Variants in SH3YL1 observed in about 807,000 individuals in gnomAD.
SH3YL1 encodes SH3 domain-containing YSC84-like protein 1.
SH3YL1 carries 41 observed loss-of-function variants against 45.8 expected under a neutral mutation model. That is an observed-to-expected ratio of 0.89 (90% CI 0.70 to 1.16). SH3YL1 has a LOEUF of 1.16. Among genes scored for constraint, SH3YL1 ranks in the 50% most tolerant of loss-of-function variants. The pLI is 0.00. For missense variants in SH3YL1, 389 were observed against 409.6 expected, an observed-to-expected ratio of 0.95 and a Z score of 0.43; for synonymous variants, 152 against 151.4, an observed-to-expected ratio of 1.00 and a Z score of -0.03.
intron 3 of SH3YL1, 97 bp downstream of exon 3, chr2:249,634 A>G: frequency 2.3e-6 from 2 of 883,406 alleles, no homozygotes; most frequent in Non-Finnish European, 1.8e-6. Flanking sequence ...GTTGATATGC[A>G]GGAAACCTGT....
intron 4 of SH3YL1, chr2:241,677 C>A (rs1356654273): frequency 6.6e-6 from 1 of 152,008 alleles, no homozygotes; most frequent in Non-Finnish European, 1.5e-5. Context: ...ATAAAAGGAA[C>A]CCCAATTAGA....
intron 4 of SH3YL1, among the ~76,000 whole-genome samples, chr2:237,912 G>A (rs1330421914): frequency 6.6e-6 from 1 of 152,192 alleles, no homozygotes; most frequent in Non-Finnish European, 1.5e-5. Flanking sequence ...AAAAACCACA[G>A]CTGCCATGCA....
intron 4 of SH3YL1, among the ~76,000 whole-genome samples, chr2:236,719 G>A (rs1371266995): frequency 6.6e-6 from 1 of 152,158 alleles, no homozygotes; most frequent in Non-Finnish European, 1.5e-5. Flanking sequence ...TCATTATACA[G>A]TTATTCACAT....
intron 4 of SH3YL1, among the ~76,000 whole-genome samples, chr2:246,103 G>A (rs1412869524): frequency 6.6e-6 from 1 of 151,740 alleles, no homozygotes; most frequent in African/African-American, 2.4e-5. Flanking sequence ...GCTGAGGCAG[G>A]AGAATCGCTT....
chr2:257,743 T>C lies in SH3YL1; in HGVS notation c.2-4628A>G, dbSNP rs562092280. Among the ~76,000 whole-genome samples, 11 of 152,380 alleles carry C rather than the reference T, an allele frequency of 7.2e-5. No individual in the cohort carries two copies. The South Asian group carries it at 2.3e-3, about 32-fold the overall frequency. ...GGCTGCCCGACTTGCATATCATTCA[T>C]TGCTCAATTAAACTCCTTAAAATTT... is the stretch of plus-strand genomic sequence containing the variant. On this transcript the variant is annotated intron_variant, in intron 1 of 9. Coordinates refer to ENST00000356150, the MANE Select transcript of SH3YL1 (RefSeq NM_015677.4).
At chr2:252,290 G>A (rs967542980) in intron 2 of SH3YL1, among the ~76,000 whole-genome samples, 15 of 152,196 alleles carry the variant, frequency 9.9e-5, no homozygotes, top group Admixed American at 6.5e-5. Flanking sequence ...TTATGTGGAA[G>A]GAGGAAACAC....
intron 1 of SH3YL1, chr2:259,771 G>A (rs1669508095): frequency 6.7e-6 from 1 of 149,856 alleles, no homozygotes; most frequent in African/African-American, 2.5e-5. Flanking sequence ...ATGATGTATT[G>A]CATACTAGAT....
intron 2 of SH3YL1, among the ~76,000 whole-genome samples, chr2:251,644 C>T (rs1324079053): frequency 6.6e-6 from 1 of 152,150 alleles, no homozygotes; most frequent in African/African-American, 2.4e-5. Context: ...TCACTGGGAC[C>T]TTGGGAGGAA....
chr2:227,893 G>GTT (rs1256336168), intron 8 of SH3YL1, among the ~76,000 whole-genome samples: 1 of 149,054 alleles, frequency 6.7e-6, no homozygotes, highest in Non-Finnish European at 1.5e-5. Flanking sequence ...AAAATTATGT[G>GTT]TGTGTGTGTG....
chr2:259,356 ATTAAT>A (rs1669491560), intron 1 of SH3YL1: 1 of 152,136 alleles, frequency 6.6e-6, no homozygotes. Flanking sequence ...TCTGTTTCTT[ATTAAT>A]TTATACATTA....
chr2:221,634 G>T (rs1414897401), intron 9 of SH3YL1, among the ~76,000 whole-genome samples: 2 of 152,176 alleles, frequency 1.3e-5, no homozygotes, highest in South Asian at 2.1e-4. Flanking sequence ...GAGGGGGCCG[G>T]GATCTCACAT....
In SH3YL1 at chr2:218,595, T is replaced by C; in HGVS notation, c.*216A>G. 2.0e-6 allele frequency: 1 copy of C among 499,872 alleles called. No homozygotes were observed. The highest frequency in any genetic ancestry group is 3.5e-5 in the South Asian group (1 of 28,198). The allele number at this position is 499,872 out of a possible 1,614,324, so 31.0% of individuals were successfully genotyped here. On this transcript the variant is annotated 3_prime_UTR_variant, in exon 10 of 10. Coordinates refer to ENST00000356150, the MANE Select transcript of SH3YL1 (RefSeq NM_015677.4). ...TGAGCGTATAAACTGTATGATATTC[T>C]ATGACACAGTAAGTGTGATAAAGTT...
At chr2:264,560 C>T (rs1572190072), upstream of SH3YL1, 1 of 192,642 alleles carries the variant, frequency 5.2e-6, no homozygotes, top group Non-Finnish European at 1.0e-5. Flanking sequence ...GCTCCTTCCC[C>T]TCCAAGCGAC....
Position 218,832 on chromosome 2 carries a change from G to A in SH3YL1, c.1008C>T (p.Ala336=), listed in dbSNP as rs772904173. Residue 336 remains alanine, a synonymous_variant, in exon 10 of 10, where the codon GCC becomes GCT. Coordinates refer to ENST00000356150, the MANE Select transcript of SH3YL1 (RefSeq NM_015677.4). The stretch of plus-strand genomic sequence containing the variant: ...CGCTTTAATTCATGGTTACGTAGTT[G>A]GCTGGAAAAATGCCAGTTTGACCTC... ...KLRGQTGIFP[A]NYVTMN The A allele has an allele frequency of 1.9e-6, 3 of 1,613,442 alleles. No homozygotes were observed. Among genetic ancestry groups the A allele is most frequent in the Non-Finnish European group, 2.5e-6 (3 of 1,179,638 alleles).
intron 1 of SH3YL1, 74 bp downstream of exon 1, chr2:263,910 C>T: frequency 1.5e-6 from 2 of 1,297,890 alleles, no homozygotes; most frequent in Non-Finnish European, 2.2e-6. Flanking sequence ...GTTTTCCCGT[C>T]CTCCTCCTCC....
upstream of SH3YL1, chr2:264,819 T>A (rs1182629895): frequency 1.4e-5 from 13 of 920,348 alleles, no homozygotes; most frequent in South Asian, 3.6e-5. Flanking sequence ...CTGGAGCCGA[T>A]TGCGCAGGCG....
chr2:245,080 T>C (rs1359234025), intron 4 of SH3YL1, among the ~76,000 whole-genome samples: 1 of 152,134 alleles, frequency 6.6e-6, no homozygotes, highest in Non-Finnish European at 1.5e-5. Context: ...GGGAGTGCTC[T>C]GTTAGGATGG....
intron 1 of SH3YL1, among the ~76,000 whole-genome samples, chr2:259,235 T>TAGCTA (rs1282931427): frequency 2.6e-5 from 4 of 152,216 alleles, no homozygotes; most frequent in Admixed American, 2.6e-4. Flanking sequence ...CCCTGGCCAG[T>TAGCTA]AGCTCTCAGT....
At chr2:234,582 G>C (rs1397357699) in intron 4 of SH3YL1, among the ~76,000 whole-genome samples, 1 of 152,192 alleles carries the variant, frequency 6.6e-6, no homozygotes, top group Non-Finnish European at 1.5e-5. Context: ...CTAAGGTTTA[G>C]TGGGGTTAGG....
Sources: allele counts gnomAD v4.1 joint callset (sites outside exome capture counted in the v4.1 genomes callset), GRCh38; gene constraint gnomAD v4.1.1; transcripts MANE v1.5; gene names NCBI Gene and HGNC (gene_info 2026-07-23, HGNC 2026-07-21).